The following LRP1B variants were observed in gnomAD, a reference collection of about 807,000 sequenced individuals.
LRP1B encodes the protein LDL receptor related protein 1B, also known as low-density lipoprotein receptor-related protein 1B.
Under a neutral mutation model 556.6 loss-of-function variants are expected in LRP1B, and 217 were observed. That is an observed-to-expected ratio of 0.39 (90% CI 0.35 to 0.44). The LOEUF is 0.44. LRP1B is among the 20% of genes least tolerant of loss of function. The pLI is 1.00. For synonymous variants in LRP1B, 2,047 were observed against 1,865.8 expected (o/e 1.10, Z -2.50); for missense variants, 5,053 against 5,620.8 (o/e 0.90, Z 3.23).
At chr2:140,809,251 A>C (rs2105026637) in intron 32 of LRP1B, among the ~76,000 whole-genome samples, 1 of 152,306 alleles carries the variant, frequency 6.6e-6, no homozygotes, top group Non-Finnish European at 1.5e-5. Flanking sequence ...TTTTTTAAAA[A>C]AAAATTTTAA....
chr2:140,902,246 T>C (rs1439600531), intron 23 of LRP1B, among the ~76,000 whole-genome samples: 1 of 152,126 alleles, frequency 6.6e-6, no homozygotes, highest in African/African-American at 2.4e-5. Context: ...TGGGAAGCGA[T>C]ACTTCTTTAA....
At chr2:141,036,640 G>C (rs1291810268) in intron 11 of LRP1B, among the ~76,000 whole-genome samples, 1 of 152,028 alleles carries the variant, frequency 6.6e-6, no homozygotes, top group Non-Finnish European at 1.5e-5. Flanking sequence ...AAAGCCATAT[G>C]TCCCTGAGGG....
chr2:140,528,086 T>C (rs966302690), intron 47 of LRP1B, among the ~76,000 whole-genome samples: 2 of 151,870 alleles, frequency 1.3e-5, no homozygotes, highest in Non-Finnish European at 2.9e-5. Context: ...CAATCTCCCA[T>C]AGAGAATTCT....
intron 2 of LRP1B, among the ~76,000 whole-genome samples, chr2:141,486,633 C>A (rs1029490805): frequency 6.6e-6 from 1 of 152,022 alleles, no homozygotes; most frequent in Non-Finnish European, 1.5e-5. Flanking sequence ...TATATCCCAC[C>A]TTTTGGGTCT....
rs1466187970 is a variant in LRP1B at position 141,916,465 on chromosome 2, C to CG, written c.83-106065dup. On this transcript the variant is annotated intron_variant, in intron 1 of 90. Transcript: ENST00000389484. ...CTGCAAGCTCCACCTCCTGGGTTCA[C>CG]GCCATCCTCCTGCCTCAGCCTCCCT... Among the ~76,000 whole-genome samples the CG allele has an allele frequency of 5.9e-5, 9 of 151,644 alleles. 1 individual carries two copies. In the East Asian group the frequency reaches 1.7e-3, roughly 29 times the overall value.
chr2:142,075,445 G>C (rs1705462870), intron 1 of LRP1B, among the ~76,000 whole-genome samples: 1 of 152,018 alleles, frequency 6.6e-6, no homozygotes, highest in African/African-American at 2.4e-5. Flanking sequence ...TATGACCTCT[G>C]GACTGACATT....
At chr2:141,416,777 A>C (rs981489528) in intron 3 of LRP1B, among the ~76,000 whole-genome samples, 3 of 152,148 alleles carry the variant, frequency 2.0e-5, no homozygotes, top group African/African-American at 7.2e-5. Context: ...GTTCTTAAAC[A>C]GTGCTCTGTG....
intron 7 of LRP1B, among the ~76,000 whole-genome samples, chr2:141,181,998 G>A (rs1184590794): frequency 6.6e-6 from 1 of 151,968 alleles, no homozygotes; most frequent in East Asian, 1.9e-4. Context: ...TCACCCATGT[G>A]GTCTTGCCTA....
At chr2:141,075,893 G>A (rs1283626200) in intron 7 of LRP1B, among the ~76,000 whole-genome samples, 2 of 152,166 alleles carry the variant, frequency 1.3e-5, no homozygotes, top group Non-Finnish European at 2.9e-5. Context: ...TTCTTTTACA[G>A]TATTCATTGT....
chr2:141,606,240 T>C (rs1687914634), intron 2 of LRP1B, among the ~76,000 whole-genome samples: 1 of 152,234 alleles, frequency 6.6e-6, no homozygotes. Flanking sequence ...AATGTTGTGT[T>C]ATTATTTATC....
intron 5 of LRP1B, among the ~76,000 whole-genome samples, chr2:141,233,040 G>T (rs963622363): frequency 1.3e-5 from 2 of 152,168 alleles, no homozygotes; most frequent in Admixed American, 1.3e-4. Context: ...AAGAGCACCA[G>T]CTTGGGTAAG....
intron 2 of LRP1B, among the ~76,000 whole-genome samples, chr2:141,624,063 A>C (rs1329581153): frequency 1.3e-5 from 2 of 150,494 alleles, no homozygotes; most frequent in African/African-American, 4.9e-5. Flanking sequence ...GAAAAAAAAC[A>C]AGATTAGTAC....
rs1435119622 is a variant in LRP1B at position 140,457,476 on chromosome 2, A to G, written c.9801T>C (p.Tyr3267=). 4 of 1,612,172 alleles carry G rather than the reference A, an allele frequency of 2.5e-6. No individual in the cohort carries two copies. The highest frequency in any genetic ancestry group is 3.4e-6 in the Non-Finnish European group (4 of 1,178,464). The change falls in exon 61 of 91, where the codon TAT becomes TAC. Residue 3267 remains tyrosine, a synonymous_variant. Transcript: ENST00000389484. Reference sequence around the variant, plus strand: ...AAGAATAATTACCATCAGGTTGTCTATAAGAATGATACACCTGGATATCTG... The same window carrying G: ...AAGAATAATTACCATCAGGTTGTCTGTAAGAATGATACACCTGGATATCTG... ...AITDIQVYHS[Y]RQPDVSKHLC...
At chr2:141,328,311 C>T (rs1374752109) in intron 3 of LRP1B, among the ~76,000 whole-genome samples, 1 of 152,066 alleles carries the variant, frequency 6.6e-6, no homozygotes, top group African/African-American at 2.4e-5. Flanking sequence ...TCTGTAAAAT[C>T]CAAAAGAAGG....
chr2:141,720,855 C>T (rs1298954937), intron 2 of LRP1B, among the ~76,000 whole-genome samples: 1 of 152,080 alleles, frequency 6.6e-6, no homozygotes, highest in Non-Finnish European at 1.5e-5. Context: ...ACTAAATCAA[C>T]CATGAGTTGG....
intron 1 of LRP1B, among the ~76,000 whole-genome samples, chr2:142,028,341 C>A (rs191827956): frequency 5.9e-5 from 9 of 152,050 alleles, no homozygotes; most frequent in Admixed American, 5.9e-4. Context: ...TGCCATCAAC[C>A]ATTCTACTAC....
At chr2:140,449,602 T>C (rs1370602007) in intron 63 of LRP1B, among the ~76,000 whole-genome samples, 1 of 152,168 alleles carries the variant, frequency 6.6e-6, no homozygotes, top group African/African-American at 2.4e-5. Flanking sequence ...CTTTCAAACA[T>C]ATGCACTATG....
At chr2:140,928,550 T>C (rs1047774141) in intron 20 of LRP1B, among the ~76,000 whole-genome samples, 1 of 152,112 alleles carries the variant, frequency 6.6e-6, no homozygotes, top group Non-Finnish European at 1.5e-5. Context: ...AGATACATCA[T>C]TTCTGATCAC....
intron 41 of LRP1B, among the ~76,000 whole-genome samples, chr2:140,654,110 G>C (rs1228965810): frequency 1.3e-5 from 2 of 148,642 alleles, no homozygotes; most frequent in Non-Finnish European, 3.0e-5. Context: ...TACTGGATGA[G>C]TAATTGCTAT....
Sources: allele counts gnomAD v4.1 joint callset (sites outside exome capture counted in the v4.1 genomes callset), GRCh38; gene constraint gnomAD v4.1.1; transcripts MANE v1.5; gene names NCBI Gene and HGNC (gene_info 2026-07-23, HGNC 2026-07-21).